The following FOXP2 variants were observed in gnomAD, a reference collection of about 807,000 sequenced individuals.
FOXP2 encodes the protein forkhead box protein P2.
In FOXP2, 12 loss-of-function variants were observed where a neutral mutation model predicts 115.8. That is an observed-to-expected ratio of 0.10 (90% CI 0.07 to 0.17). The LOEUF (loss-of-function observed/expected upper bound fraction) is 0.17. FOXP2 is among the 10% of genes least tolerant of loss of function. The probability of loss-of-function intolerance (pLI) is 1.00; values close to 1 mark genes in which losing one functional copy is unlikely to be tolerated. For synonymous variants in FOXP2, 328 were observed against 297.7 expected (o/e 1.10, Z -1.05); for missense variants, 629 against 843.5 (o/e 0.75, Z 3.15).
intron 1 of FOXP2, among the ~76,000 whole-genome samples, chr7:114,284,161 G>T (rs558413299): frequency 1.4e-4 from 21 of 152,110 alleles, no homozygotes; most frequent in African/African-American, 5.1e-4. Context: ...TTAGAAAAGG[G>T]AATGTTTCTA....
intron 13 of FOXP2, 128 bp downstream of exon 13, chr7:114,659,801 G>A: frequency 1.3e-6 from 1 of 752,494 alleles, no homozygotes; most frequent in Non-Finnish European, 2.4e-6. Flanking sequence ...CCTCTTGAAT[G>A]GAATGAATTC....
intron 1 of FOXP2, among the ~76,000 whole-genome samples, chr7:114,143,881 C>T (rs1278355977): frequency 6.6e-6 from 1 of 151,452 alleles, no homozygotes; most frequent in Non-Finnish European, 1.5e-5. Flanking sequence ...TATGCTGGTT[C>T]TACTTAATAA....
intron 3 of FOXP2, among the ~76,000 whole-genome samples, chr7:114,623,108 A>G (rs1460417125): frequency 2.0e-5 from 3 of 151,950 alleles, no homozygotes; most frequent in Admixed American, 6.6e-5. Flanking sequence ...CTTCAGTTGC[A>G]AAGTATTATT....
At chr7:114,568,572 C>G (rs932635531) in intron 3 of FOXP2, among the ~76,000 whole-genome samples, 1 of 151,738 alleles carries the variant, frequency 6.6e-6, no homozygotes, top group Non-Finnish European at 1.5e-5. Context: ...AATTATGTTT[C>G]TGAGTCAGTT....
At chr7:114,090,184 TGTAAG>T (rs934023069) in intron 1 of FOXP2, among the ~76,000 whole-genome samples, 5 of 151,902 alleles carry the variant, frequency 3.3e-5, no homozygotes, top group African/African-American at 7.2e-5. Flanking sequence ...GCCATTAACT[TGTAAG>T]AAGAGAATGA....
At chr7:114,170,069 T>A (rs572873434) in intron 1 of FOXP2, among the ~76,000 whole-genome samples, 1 of 152,322 alleles carries the variant, frequency 6.6e-6, no homozygotes, top group South Asian at 2.1e-4. Context: ...CGGACTAATA[T>A]AGCTGCTTTT....
At chr7:114,525,514 T>C (rs1193608231) in intron 2 of FOXP2, among the ~76,000 whole-genome samples, 1 of 152,194 alleles carries the variant, frequency 6.6e-6, no homozygotes, top group Non-Finnish European at 1.5e-5. Context: ...GCAGTTTAAA[T>C]ACCACTTTTT....
chr7:114,176,206 CTTG>C (rs1793286194), intron 1 of FOXP2, among the ~76,000 whole-genome samples: 1 of 151,332 alleles, frequency 6.6e-6, no homozygotes, highest in South Asian at 2.1e-4. Context: ...CTTGTCTTGT[CTTG>C]TCTTGTCTTG....
chr7:114,381,437 T>G (rs1034021669), intron 2 of FOXP2, among the ~76,000 whole-genome samples: 2 of 152,154 alleles, frequency 1.3e-5, no homozygotes, highest in African/African-American at 4.8e-5. Context: ...TTGACTCAAG[T>G]CTTGGGCTAA....
At chr7:114,207,558 A>G (rs1027824794) in intron 1 of FOXP2, among the ~76,000 whole-genome samples, 1 of 152,226 alleles carries the variant, frequency 6.6e-6, no homozygotes, top group African/African-American at 2.4e-5. Flanking sequence ...AATAATATTC[A>G]CAATAATTTA....
At chr7:114,349,002 C>CT (rs970218814) in intron 2 of FOXP2, among the ~76,000 whole-genome samples, 6 of 151,946 alleles carry the variant, frequency 3.9e-5, no homozygotes, top group Non-Finnish European at 5.9e-5. Flanking sequence ...CAAAGCTAGA[C>CT]TTTTAAGATT....
chr7:114,316,750 T>C (rs1407143659), intron 2 of FOXP2, among the ~76,000 whole-genome samples: 3 of 152,098 alleles, frequency 2.0e-5, no homozygotes, highest in Non-Finnish European at 1.5e-5. Context: ...TTTTAGGAGA[T>C]GAGGTCAGAA....
At chr7:114,153,194 T>C (rs1347252769) in intron 1 of FOXP2, among the ~76,000 whole-genome samples, 1 of 152,000 alleles carries the variant, frequency 6.6e-6, no homozygotes, top group African/African-American at 2.4e-5. Context: ...AAAGAAAGGG[T>C]AGAATAAATT....
At chr7:114,622,991 A>G (rs1045275990) in intron 3 of FOXP2, among the ~76,000 whole-genome samples, 1 of 151,836 alleles carries the variant, frequency 6.6e-6, no homozygotes, top group Non-Finnish European at 1.5e-5. Flanking sequence ...AAATGACTAT[A>G]CCTCTTTTTA....
chr7:114,528,748 AC>A (rs1798993590), intron 2 of FOXP2, among the ~76,000 whole-genome samples: 1 of 151,808 alleles, frequency 6.6e-6, no homozygotes, highest in Non-Finnish European at 1.5e-5. Flanking sequence ...ACATATCCAA[AC>A]AAAAGATGAT....
At chr7:114,310,469 A>G (rs1797121657) in intron 2 of FOXP2, among the ~76,000 whole-genome samples, 1 of 151,962 alleles carries the variant, frequency 6.6e-6, no homozygotes, top group Non-Finnish European at 1.5e-5. Context: ...AGAGTCCTCC[A>G]TATGTCAAGT....
chr7:114,478,262 G>A (rs972170531), intron 2 of FOXP2, among the ~76,000 whole-genome samples: 14 of 151,876 alleles, frequency 9.2e-5, no homozygotes, highest in Middle Eastern at 3.4e-3. Context: ...CAATACCAAT[G>A]TTTTGGGGCC....
In FOXP2 at chr7:114,692,180, A is replaced by G; in HGVS notation, c.*2254A>G. The G allele has an allele frequency of 2.2e-6, 1 of 453,900 alleles. No homozygotes were observed. Among genetic ancestry groups the G allele is most frequent in the South Asian group, 1.6e-5 (1 of 64,470 alleles). The allele number at this position is 453,900 out of a possible 1,614,324, so 28.1% of individuals were successfully genotyped here. A position where few individuals can be genotyped will look rare whatever the true frequency, so the allele number is the denominator to read the frequency against. On this transcript the variant is annotated 3_prime_UTR_variant, in exon 17 of 17. Transcript: ENST00000350908. Reference sequence around the variant, plus strand: ...AATGGGTCTTTCAGGTGCATGTTCAAAAGGCTTTGAGGGACTGGAAGTAAC... The same window carrying G: ...AATGGGTCTTTCAGGTGCATGTTCAGAAGGCTTTGAGGGACTGGAAGTAAC...
chr7:114,455,015 A>G (rs953818458), intron 2 of FOXP2, among the ~76,000 whole-genome samples: 13 of 151,218 alleles, frequency 8.6e-5, no homozygotes, highest in Admixed American at 2.6e-4. Flanking sequence ...AACTTAAAGT[A>G]TAATAAAAAA....
Sources: gnomAD v4.1 joint callset for allele counts (sites outside exome capture counted in the v4.1 genomes callset) on GRCh38, gnomAD v4.1.1 for gene constraint, MANE v1.5 for transcripts, NCBI Gene and HGNC (gene_info 2026-07-23, HGNC 2026-07-21) for gene names.